CLDN1: variants seen among roughly 807,000 people sequenced by gnomAD.
The protein encoded by CLDN1 is claudin 1.
In CLDN1, 12 loss-of-function variants were observed where a neutral mutation model predicts 22.6. That is an observed-to-expected ratio of 0.53 (90% CI 0.34 to 0.86). The LOEUF (loss-of-function observed/expected upper bound fraction) is 0.86. Ranked by LOEUF, CLDN1 falls within the 40% of genes least tolerant of loss-of-function variation. The probability of loss-of-function intolerance (pLI) is 0.02; values close to 1 mark genes in which losing one functional copy is unlikely to be tolerated. For synonymous variants in CLDN1, 99 were observed against 103.8 expected, an observed-to-expected ratio of 0.95 and a Z score of 0.28; for missense variants, 250 against 269.5, an observed-to-expected ratio of 0.93 and a Z score of 0.51.
At chr3:190,314,493 C>G (rs2108610215) in intron 1 of CLDN1, among the ~76,000 whole-genome samples, 1 of 152,032 alleles carries the variant, frequency 6.6e-6, no homozygotes, top group South Asian at 2.1e-4. Flanking sequence ...CTCTGGGGCT[C>G]AAGCGATTCT....
intron 2 of CLDN1, among the ~76,000 whole-genome samples, chr3:190,311,276 G>A (rs576293735): frequency 6.6e-6 from 1 of 152,284 alleles, no homozygotes; most frequent in African/African-American, 2.4e-5. Context: ...CGTCTTCCAA[G>A]CACTTCATAC....
chr3:190,322,074 C>T lies in CLDN1; in HGVS notation c.133G>A (p.Ala45Thr), dbSNP rs1354348849. 3 of 1,614,222 alleles carry T rather than the reference C, an allele frequency of 1.9e-6. No homozygotes were observed. The highest frequency in any genetic ancestry group is 1.7e-6 in the Non-Finnish European group (2 of 1,180,038). Residue 45 changes from alanine to threonine, a missense_variant, in exon 1 of 4, where the codon GCC becomes ACC. Ala to Thr is a moderately conservative substitution (Grantham distance 58). Coordinates refer to ENST00000295522, the MANE Select transcript of CLDN1 (RefSeq NM_021101.5). ...GACATCCACAGCCCCTCGTACATGG[C>T]CTGGGCGGTCACGATGTTGTCGCCG... ...YAGDNIVTAQ[A>T]MYEGLWMSCV... is the part of the protein sequence containing the mutation.
At position 190,322,368 on chromosome 3, in the gene CLDN1, G is replaced by T. The variant is rs149860750; in HGVS notation, c.-162C>A. ...CGCCGCTGGAGAAGCTCTGGGTCGG[G>T]GTTGGGGTCCGCGCCCGGGGCGGCG... On this transcript the variant is annotated 5_prime_UTR_variant, in exon 1 of 4. Coordinates refer to ENST00000295522, the MANE Select transcript of CLDN1 (RefSeq NM_021101.5). 1.8e-3 allele frequency: 1,261 copies of T among 694,396 alleles called. 11 individuals carry two copies. The African/African-American group carries it at 0.02, about 11-fold the overall frequency. The allele number at this position is 694,396 out of a possible 1,614,324, so 43.0% of individuals were successfully genotyped here. A position where few individuals can be genotyped will look rare whatever the true frequency, so the allele number is the denominator to read the frequency against.
At chr3:190,321,955 C>A (rs762067232) in intron 1 of CLDN1, 29 bp downstream of exon 1, 1 of 1,591,278 alleles carries the variant, frequency 6.3e-7, no homozygotes, top group Non-Finnish European at 8.6e-7. Flanking sequence ...GGCCTCTGGA[C>A]GGCCGCTGTG....
intron 3 of CLDN1, among the ~76,000 whole-genome samples, chr3:190,309,716 C>T (rs1000635933): frequency 4.6e-5 from 7 of 152,096 alleles, no homozygotes; most frequent in Non-Finnish European, 7.3e-5. Flanking sequence ...AATAGCTTTA[C>T]GTGTAAAAAT....
Position 190,308,288 on chromosome 3 carries a change from C to G in CLDN1, c.625G>C (p.Asp209His), listed in dbSNP as rs1220074868. 6.2e-7 allele frequency: 1 copy of G among 1,613,836 alleles called. No individual in the cohort carries two copies. The highest frequency in any genetic ancestry group is 1.3e-5 in the African/African-American group (1 of 75,002). ...YPKPAPSSGK[D>H]YV ...CTTTTGCCTCTGTGTCACACGTAGT[C>G]TTTCCCGCTGGAAGGTGCAGGTTTT... Residue 209 changes from aspartate to histidine, a missense_variant, in exon 4 of 4, where the codon GAC becomes CAC. By Grantham distance (81) the Asp-to-His change is moderately conservative (BLOSUM62 -1). Coordinates refer to ENST00000295522, the MANE Select transcript of CLDN1 (RefSeq NM_021101.5).
chr3:190,308,805 G>A (rs1716530685), intron 3 of CLDN1, among the ~76,000 whole-genome samples: 1 of 152,150 alleles, frequency 6.6e-6, no homozygotes, highest in Non-Finnish European at 1.5e-5. Context: ...TCACTAAGTA[G>A]TAATCATATT....
At chr3:190,311,798 C>T (rs866901100) in intron 2 of CLDN1, among the ~76,000 whole-genome samples, 2 of 151,282 alleles carry the variant, frequency 1.3e-5, no homozygotes, top group South Asian at 2.2e-4. Context: ...CATATACACA[C>T]GTAAGTATAC....
chr3:190,312,967 G>A lies in CLDN1; in HGVS notation c.293C>T (p.Ala98Val). 6.2e-7 allele frequency: 1 copy of A among 1,614,140 alleles called. No homozygotes were observed. The highest frequency in any genetic ancestry group is 1.1e-5 in the South Asian group (1 of 91,074). The change falls in exon 2 of 4, where the codon GCC becomes GTC. Residue 98 changes from alanine (A) to valine (V), a missense_variant. By Grantham distance (64) the Ala-to-Val change is moderately conservative. Transcript: ENST00000295522. ...ILLGVIAIFV[A>V]TVGMKCMKCL... ...CTTCATACACTTCATGCCAACGGTG[G>A]CCACAAAGATTGCTATCACTCCCAG...
At chr3:190,314,673 G>A (rs533150095) in intron 1 of CLDN1, among the ~76,000 whole-genome samples, 1 of 151,986 alleles carries the variant, frequency 6.6e-6, no homozygotes, top group Admixed American at 6.6e-5. Context: ...CAAAGTTCTG[G>A]GATTACAGAC....
chr3:190,321,969 T>G lies in CLDN1; in HGVS notation c.223+15A>C. 1 of 1,608,602 alleles carries G rather than the reference T, an allele frequency of 6.2e-7. No individual in the cohort carries two copies. Among genetic ancestry groups the G allele is most frequent in the Non-Finnish European group, 8.5e-7 (1 of 1,175,380 alleles). ...GGGCCTCTGGACGGCCGCTGTGAGG[T>G]GGGGGTGCACTCACTGCTCAGATTC... On this transcript the variant is annotated intron_variant, in intron 1 of 3. Coordinates refer to ENST00000295522, the MANE Select transcript of CLDN1 (RefSeq NM_021101.5).
At chr3:190,309,759 C>A (rs1716561359) in intron 3 of CLDN1, among the ~76,000 whole-genome samples, 1 of 152,018 alleles carries the variant, frequency 6.6e-6, no homozygotes, top group South Asian at 2.1e-4. Flanking sequence ...ATTCATTAAC[C>A]CCTATAGTAG....
At chr3:190,320,129 T>G (rs1716880720) in intron 1 of CLDN1, among the ~76,000 whole-genome samples, 1 of 152,218 alleles carries the variant, frequency 6.6e-6, no homozygotes, top group African/African-American at 2.4e-5. Flanking sequence ...AATAACTACA[T>G]TAACCAAAAA....
intron 1 of CLDN1, among the ~76,000 whole-genome samples, chr3:190,315,039 A>G (rs1426100652): frequency 6.6e-6 from 1 of 152,224 alleles, no homozygotes; most frequent in Non-Finnish European, 1.5e-5. Flanking sequence ...AGAGGAAAGT[A>G]CCAAGGGCTC....
At chr3:190,320,326 C>T (rs1343040578) in intron 1 of CLDN1, among the ~76,000 whole-genome samples, 3 of 152,138 alleles carry the variant, frequency 2.0e-5, no homozygotes, top group African/African-American at 4.8e-5. Flanking sequence ...CTGGAATTGT[C>T]CTTAGAAACC....
At chr3:190,315,067 C>T (rs1372670789) in intron 1 of CLDN1, among the ~76,000 whole-genome samples, 1 of 152,186 alleles carries the variant, frequency 6.6e-6, no homozygotes, top group African/African-American at 2.4e-5. Context: ...AAGGTATGTC[C>T]TCTTTCTGAT....
chr3:190,310,881 T>C (rs182714148), intron 2 of CLDN1, among the ~76,000 whole-genome samples: 14 of 152,310 alleles, frequency 9.2e-5, no homozygotes, highest in Non-Finnish European at 2.1e-4. Flanking sequence ...TCCCATGGCA[T>C]TTTATATTCA....
intron 1 of CLDN1, among the ~76,000 whole-genome samples, chr3:190,320,103 T>C (rs1716879547): frequency 6.6e-6 from 1 of 152,230 alleles, no homozygotes; most frequent in Non-Finnish European, 1.5e-5. Context: ...CCTTTCACCC[T>C]AGTTTTAAAA....
intron 1 of CLDN1, among the ~76,000 whole-genome samples, chr3:190,320,381 C>A (rs556015285): frequency 2.0e-5 from 3 of 152,084 alleles, no homozygotes; most frequent in Non-Finnish European, 2.9e-5. Flanking sequence ...TGCCTGACAC[C>A]GTTTCCTTAA....
Sources: gnomAD v4.1 joint callset for allele counts (sites outside exome capture counted in the v4.1 genomes callset) on GRCh38, gnomAD v4.1.1 for gene constraint, MANE v1.5 for transcripts, NCBI Gene and HGNC (gene_info 2026-07-23, HGNC 2026-07-21) for gene names.